Variants in FAM161B observed in about 807,000 individuals in gnomAD.
The protein encoded by FAM161B is protein FAM161B.
FAM161B carries 46 observed loss-of-function variants against 61.5 expected under a neutral mutation model. The ratio of observed to expected loss-of-function variants is 0.75; its 90% confidence interval spans 0.59 to 0.96. The LOEUF (loss-of-function observed/expected upper bound fraction) is 0.96. Among genes scored for constraint, FAM161B ranks in the 40% least tolerant of loss-of-function variants. FAM161B has a pLI of 0.00. For synonymous variants in FAM161B, 284 were observed against 302.7 expected (o/e 0.94, Z 0.64); for missense variants, 774 against 800.7 (o/e 0.97, Z 0.40).
At chr14:73,938,500 T>C (rs779897891) in intron 5 of FAM161B, among the ~76,000 whole-genome samples, 15 of 150,178 alleles carry the variant, frequency 1.0e-4, no homozygotes, top group East Asian at 4.0e-4. Flanking sequence ...TAGCCGGGCA[T>C]GGTGGCTCAT....
downstream of FAM161B, among the ~76,000 whole-genome samples, chr14:73,931,092 A>T (rs574548111): frequency 1.3e-5 from 2 of 152,256 alleles, no homozygotes; most frequent in South Asian, 4.1e-4. Context: ...TATAGTACTT[A>T]TAAAGGAACA....
intron 5 of FAM161B, 73 bp from the exon 6 acceptor site, chr14:73,938,185 G>T: frequency 6.4e-7 from 1 of 1,552,102 alleles, no homozygotes; most frequent in African/African-American, 1.4e-5. Context: ...TAGGCCAGGT[G>T]TGGTGGCTCA....
At chr14:73,942,248 G>A in intron 4 of FAM161B, 121 bp downstream of exon 4, 1 of 967,972 alleles carries the variant, frequency 1.0e-6, no homozygotes, top group South Asian at 1.7e-5. Flanking sequence ...GCTTACAACT[G>A]AGCTGGTGTT....
chr14:73,934,125 T>C lies in FAM161B; in HGVS notation c.*131A>G. ...GCGTGAGCCACTGCGCCTGGCCTGT[T>C]AATCTGCTACTCTTCATTTGTCCAT... On this transcript the variant is annotated 3_prime_UTR_variant, in exon 9 of 9. Transcript: ENST00000286544. 1 of 1,138,196 alleles carries C rather than the reference T, an allele frequency of 8.8e-7. No individual in the cohort carries two copies. 70.5% of individuals were successfully genotyped at this position (1,138,196 alleles called of 1,614,324 possible).
Position 73,934,310 on chromosome 14 carries a change from T to C in FAM161B, c.1890A>G (p.Lys630=). ...GSLEQPASPR[K]VLEELSHQSP... ...ACTGATGAGACAGCTCCTCCAGTAC[T>C]TTCCTGGGGCTTGCAGGCTGTTCTA... Residue 630 remains lysine, a synonymous_variant, in exon 9 of 9, where the codon AAA becomes AAG. Coordinates refer to ENST00000286544, the MANE Select transcript of FAM161B (RefSeq NM_152445.3). 1 of 1,614,180 alleles carries C rather than the reference T, an allele frequency of 6.2e-7. No individual in the cohort carries two copies. Among genetic ancestry groups the C allele is most frequent in the Non-Finnish European group, 8.5e-7 (1 of 1,180,008 alleles).
rs183058640 is a variant in FAM161B, at chr14:73,938,574, T to C, written c.1401-462A>G. ...GATCACAAGGTCAGGAGATCGAGAC[T>C]ATCCTGGCTAACACTGTGAAACCCC... On this transcript the variant is annotated intron_variant, in intron 5 of 8. Coordinates refer to ENST00000286544, the MANE Select transcript of FAM161B (RefSeq NM_152445.3). 3.3e-3 allele frequency among the ~76,000 whole-genome samples: 494 copies of C among 150,768 alleles called. 3 individuals are homozygous for C. Among genetic ancestry groups the C allele is most frequent in the South Asian group, 0.014 (66 of 4,738 alleles).
the FAM161B span, among the ~76,000 whole-genome samples, chr14:73,925,835 C>T: frequency 6.6e-6 from 1 of 151,994 alleles, no homozygotes; most frequent in African/African-American, 2.4e-5. Context: ...AGTTCAAGAC[C>T]AGCCTGGGCA....
At chr14:73,927,850 A>ATTTTTTTTT (rs769693607), downstream of FAM161B, 2 of 135,246 alleles carry the variant, frequency 1.5e-5, no homozygotes, top group Non-Finnish European at 1.5e-5. Context: ...TTTTTTTTTA[A>ATTTTTTTTT]TTTTTTAGAC....
At chr14:73,931,909 T>G (rs886977791), downstream of FAM161B, 24 of 457,306 alleles carry the variant, frequency 5.2e-5, no homozygotes, top group African/African-American at 4.6e-4. Context: ...CTCAGCTGTC[T>G]TTTCACATGG....
intron 8 of FAM161B, among the ~76,000 whole-genome samples, chr14:73,935,058 T>C (rs2055959573): frequency 8.9e-6 from 1 of 111,746 alleles, no homozygotes; most frequent in Non-Finnish European, 2.1e-5. Context: ...CAAGACTCCG[T>C]CTCAAAAAAA....
At chr14:73,924,851 G>T in the FAM161B span, 20 of 328,812 alleles carry the variant, frequency 6.1e-5, no homozygotes, top group South Asian at 4.5e-4. Context: ...TAATTTTTTT[G>T]TATTTTTAGT....
At position 73,946,428 on chromosome 14, in the gene FAM161B, C is replaced by A. The variant is rs141066350; in HGVS notation, c.232G>T (p.Gly78Trp). 70 of 1,614,158 alleles carry A rather than the reference C, an allele frequency of 4.3e-5. No homozygotes were observed. In the African/African-American group the frequency reaches 8.4e-4, roughly 19 times the overall value. Residue 78 changes from glycine to tryptophan, a missense_variant, in exon 2 of 9, where the codon GGG (glycine) becomes TGG (tryptophan). Physicochemically the swap from Gly to Trp is radical, Grantham distance 184. Transcript: ENST00000286544. ...YQNLQELKQK[G>W]RWCLLESLFQ... ...AGAGACTCCAACAGACACCATCTCC[C>A]TTTCTGCTTCAGTTCCTGTAAGTTC...
In FAM161B at chr14:73,936,057, T is replaced by C. The variant is rs757430064; in HGVS notation, c.1697A>G (p.Tyr566Cys). ...DLAKKEAEQWYLDTLKQAGLE... is the reference protein window; with the variant it reads ...DLAKKEAEQWCLDTLKQAGLE... ...CCCAGCCTGCTTCAGGGTGTCTAGA[T>C]ACCACTGTTCTGCTTCTTTCTTGGC... The change falls in exon 8 of 9, where the codon TAT (tyrosine) becomes TGT (cysteine). Residue 566 changes from tyrosine (Y) to cysteine (C), a missense_variant. Transcript: ENST00000286544. The C allele has an allele frequency of 4.3e-6, 7 of 1,613,370 alleles. No homozygotes were observed. The highest frequency in any genetic ancestry group is 5.9e-6 in the Non-Finnish European group (7 of 1,179,572).
At chr14:73,939,839 G>A (rs2056002594) in intron 5 of FAM161B, among the ~76,000 whole-genome samples, 1 of 152,194 alleles carries the variant, frequency 6.6e-6, no homozygotes, top group Non-Finnish European at 1.5e-5. Context: ...TGGGAAGAAG[G>A]ACATGAAAAT....
In FAM161B at chr14:73,944,503, G is replaced by C. The variant is rs759968166; in HGVS notation, c.757C>G (p.Leu253Val). Residue 253 changes from leucine (L) to valine (V), a missense_variant, in exon 3 of 9, where the codon CTC becomes GTC. Leu to Val is a conservative substitution (Grantham distance 32). Transcript: ENST00000286544. ...AGIQKRKELLLSSLKPFSFLE... is the reference protein window; with the variant it reads ...AGIQKRKELLVSSLKPFSFLE... ...AAGCTGAAGGGCTTCAAAGAAGAGA[G>C]GAGCAGTTCCTTCCTCTTCTGGATC... is the stretch of plus-strand genomic sequence containing the variant. 1.2e-6 allele frequency: 2 copies of C among 1,614,112 alleles called. No individual in the cohort carries two copies. The highest frequency in any genetic ancestry group is 2.2e-5 in the South Asian group (2 of 91,078).
At position 73,934,351 on chromosome 14, in the gene FAM161B, C is replaced by A; in HGVS notation, c.1849G>T (p.Gly617Cys). 2.5e-6 allele frequency: 4 copies of A among 1,613,962 alleles called. No homozygotes were observed. Among genetic ancestry groups the A allele is most frequent in the Non-Finnish European group, 3.4e-6 (4 of 1,179,972 alleles). ...GGCTGTTCTAGAGATCCTTCTAAAC[C>A]CTGCTCTGGATCTCTGATGCTGAGT... ...TKLSIRDPEQ[G>C]LEGSLEQPAS... is the part of the protein sequence containing the mutation. The change falls in exon 9 of 9, where the codon GGT (glycine) becomes TGT (cysteine). Residue 617 changes from glycine (G) to cysteine (C), a missense_variant. By Grantham distance (159) the Gly-to-Cys change is radical. Transcript: ENST00000286544.
rs1269451493 is a variant in FAM161B, at chr14:73,932,696, C to T, written c.*1560G>A. On this transcript the variant is annotated 3_prime_UTR_variant, in exon 9 of 9. Transcript: ENST00000286544. ...CTGGAGTGCAGTAGTGTAATCATAG[C>T]TCAATGTAACCTTGAACTCCTACGC... is the stretch of plus-strand genomic sequence containing the variant. 4 of 341,640 alleles carry T rather than the reference C, an allele frequency of 1.2e-5. No individual in the cohort carries two copies. The highest frequency in any genetic ancestry group is 2.3e-5 in the South Asian group (1 of 43,006). The allele number at this position is 341,640 out of a possible 1,614,324, so 21.2% of individuals were successfully genotyped here. A position where few individuals can be genotyped will look rare whatever the true frequency, so the allele number is the denominator to read the frequency against.
chr14:73,937,095 GA>G (rs5809637), intron 7 of FAM161B, among the ~76,000 whole-genome samples: 49,713 of 151,612 alleles, frequency 0.33, 9,469 homozygotes, highest in Non-Finnish European at 0.42. Context: ...AATAAAAGAA[GA>G]AAAAAAAATT....
At chr14:73,931,831 G>T (rs1392733612), downstream of FAM161B, 1 of 449,734 alleles carries the variant, frequency 2.2e-6, no homozygotes, top group African/African-American at 2.0e-5. Context: ...ATTTGATTAT[G>T]TGTTGGCTGA....
Sources: gnomAD v4.1 joint callset for allele counts (sites outside exome capture counted in the v4.1 genomes callset) on GRCh38, gnomAD v4.1.1 for gene constraint, MANE v1.5 for transcripts, NCBI Gene and HGNC (gene_info 2026-07-23, HGNC 2026-07-21) for gene names.